Variants in STIL observed in about 807,000 individuals in gnomAD.
STIL encodes SCL-interrupting locus protein.
In STIL, 55 loss-of-function variants were observed where a neutral mutation model predicts 110.1. The observed-to-expected ratio is 0.50, with a 90% CI of 0.40 to 0.63. The LOEUF is 0.63. STIL is among the 20% of genes least tolerant of loss of function. STIL has a pLI of 0.00. For synonymous variants in STIL, 481 were observed against 530.0 expected, an observed-to-expected ratio of 0.91 and a Z score of 1.27; for missense variants, 1,358 against 1,530.0, an observed-to-expected ratio of 0.89 and a Z score of 1.87.
At chr1:47,302,999 T>C (rs1261594451) in intron 3 of STIL, among the ~76,000 whole-genome samples, 1 of 152,010 alleles carries the variant, frequency 6.6e-6, no homozygotes, top group Non-Finnish European at 1.5e-5. Flanking sequence ...CTGTATTGAA[T>C]ACAAAATATA....
At chr1:47,265,769 G>C (rs1459011394) in intron 14 of STIL, among the ~76,000 whole-genome samples, 1 of 121,364 alleles carries the variant, frequency 8.2e-6, no homozygotes, top group Non-Finnish European at 1.6e-5. Context: ...CTGGATGACA[G>C]AGCAAGACTG....
chr1:47,279,737 A>AC (rs1171402834), intron 12 of STIL, among the ~76,000 whole-genome samples: 2 of 151,608 alleles, frequency 1.3e-5, no homozygotes, highest in Non-Finnish European at 2.9e-5. Context: ...CAAAAAAAAA[A>AC]AAAAAAAACA....
chr1:47,301,744 T>C lies in STIL; in HGVS notation c.270A>G (p.Glu90=). Residue 90 remains glutamate, a synonymous_variant, in exon 5 of 17, where the codon GAA becomes GAG. Transcript: ENST00000371877. ...GATCTACTGTCAATGTTACACCTTC[T>C]TCATCTGTAGAACAAAAATAACAGC... ...LLGSLTADED[E]EGVTLTVDRF... 1 of 1,613,804 alleles carries C rather than the reference T, an allele frequency of 6.2e-7. No individual in the cohort carries two copies. Among genetic ancestry groups the C allele is most frequent in the Non-Finnish European group, 8.5e-7 (1 of 1,179,960 alleles).
At chr1:47,301,969 G>C (rs1420694292) in intron 4 of STIL, among the ~76,000 whole-genome samples, 1 of 152,172 alleles carries the variant, frequency 6.6e-6, no homozygotes, top group Non-Finnish European at 1.5e-5. Flanking sequence ...AGTGAACTCT[G>C]TAATTAATAG....
At chr1:47,259,285 CTTTTT>C (rs3043082) in intron 16 of STIL, among the ~76,000 whole-genome samples, 1 of 76,096 alleles carries the variant, frequency 1.3e-5, no homozygotes, top group African/African-American at 5.6e-5. Context: ...CGCGCCCGGC[CTTTTT>C]TTTTTTTTTT....
At chr1:47,312,484 C>G (rs2149296367) in intron 1 of STIL, among the ~76,000 whole-genome samples, 1 of 152,162 alleles carries the variant, frequency 6.6e-6, no homozygotes, top group East Asian at 1.9e-4. Flanking sequence ...AACAGTCCTT[C>G]TTAGAAATAT....
chr1:47,271,496 T>C (rs897714914), intron 13 of STIL, among the ~76,000 whole-genome samples: 1 of 149,032 alleles, frequency 6.7e-6, no homozygotes, highest in South Asian at 2.1e-4. Context: ...GAGGCGGAGG[T>C]TGCAGTGAGC....
Position 47,254,722 on chromosome 1 carries a change from A to G in STIL, c.3081-2800T>C, listed in dbSNP as rs569937520. Among the ~76,000 whole-genome samples the G allele has an allele frequency of 2.0e-5, 3 of 152,124 alleles. No individual in the cohort carries two copies. The East Asian group carries it at 5.8e-4, about 29-fold the overall frequency. On this transcript the variant is annotated intron_variant, in intron 16 of 16. Transcript: ENST00000371877. The stretch of plus-strand genomic sequence containing the variant: ...ATCAAAAATTTTTCTTTTTGTAAAG[A>G]TGGGGTCTCACTATGTTGTTCAGGC...
At chr1:47,302,102 G>A (rs1277816346) in intron 4 of STIL, 132 bp downstream of exon 4, 3 of 704,882 alleles carry the variant, frequency 4.3e-6, no homozygotes, top group East Asian at 2.7e-5. Flanking sequence ...ATGTTTTCTT[G>A]TACTGATGGA....
chr1:47,297,421 G>A (rs187952931), intron 6 of STIL, among the ~76,000 whole-genome samples: 318 of 151,844 alleles, frequency 2.1e-3, no homozygotes, highest in Non-Finnish European at 3.5e-3. Flanking sequence ...TACTTTCCCA[G>A]CACTGTATAT....
chr1:47,268,746 G>GAA (rs1644728782), intron 14 of STIL, among the ~76,000 whole-genome samples: 1 of 148,576 alleles, frequency 6.7e-6, no homozygotes, highest in Non-Finnish European at 1.5e-5. Context: ...CAACAAGAGA[G>GAA]AAACTCCATC....
At chr1:47,255,751 C>T (rs1644311430) in intron 16 of STIL, among the ~76,000 whole-genome samples, 1 of 152,126 alleles carries the variant, frequency 6.6e-6, no homozygotes, top group South Asian at 2.1e-4. Context: ...AGGTTGCTTC[C>T]AGACCTCGAA....
chr1:47,262,077 C>T (rs1644503063), intron 15 of STIL, among the ~76,000 whole-genome samples: 1 of 152,128 alleles, frequency 6.6e-6, no homozygotes, highest in African/African-American at 2.4e-5. Context: ...TTTCTTCTCA[C>T]TTTCTCAAAG....
intron 12 of STIL, among the ~76,000 whole-genome samples, chr1:47,280,000 G>C (rs776705401): frequency 1.9e-4 from 29 of 152,092 alleles, no homozygotes; most frequent in Non-Finnish European, 4.0e-4. Context: ...TCTATTGTAG[G>C]TTAGGATATG....
intron 11 of STIL, 74 bp from the exon 12 acceptor site, chr1:47,281,283 G>A (rs925694422): frequency 3.4e-5 from 47 of 1,395,708 alleles, no homozygotes; most frequent in Middle Eastern, 2.4e-4. Context: ...CCTCAGACCA[G>A]TATTTCCCAA....
intron 16 of STIL, among the ~76,000 whole-genome samples, chr1:47,257,550 TAATAA>T (rs751065971): frequency 9.9e-5 from 15 of 152,218 alleles, no homozygotes; most frequent in Non-Finnish European, 2.1e-4. Context: ...ATTGCATCAA[TAATAA>T]AATATAACTT....
chr1:47,290,674 G>A (rs1370351964), intron 8 of STIL, among the ~76,000 whole-genome samples: 1 of 149,858 alleles, frequency 6.7e-6, no homozygotes, highest in African/African-American at 2.5e-5. Context: ...CAGCACTCCA[G>A]CCCGGGCAAC....
Position 47,300,473 on chromosome 1 carries a change from T to TTC in STIL, c.454-322_454-321insGA, listed in dbSNP as rs10699797. ...ATGGGAAAAAATGGACATAAAATAA[T>TTC]TTTTTTTTTTTTGAGAAGGAGTCTC... On this transcript the variant is annotated intron_variant, in intron 5 of 16. Coordinates refer to ENST00000371877, the MANE Select transcript of STIL (RefSeq NM_001048166.1). 0.53 allele frequency among the ~76,000 whole-genome samples: 78,844 copies of TTC among 148,914 alleles called. 21,354 individuals are homozygous for TTC. Among genetic ancestry groups the TTC allele is most frequent in the African/African-American group, 0.67 (27,193 of 40,742 alleles).
intron 2 of STIL, among the ~76,000 whole-genome samples, chr1:47,305,851 C>T (rs1349747169): frequency 6.6e-6 from 1 of 150,592 alleles, no homozygotes; most frequent in Non-Finnish European, 1.5e-5. Flanking sequence ...CCCACCTCAG[C>T]CTCCCGAGTA....
Sources: gnomAD v4.1 joint callset for allele counts (sites outside exome capture counted in the v4.1 genomes callset) on GRCh38, gnomAD v4.1.1 for gene constraint, MANE v1.5 for transcripts, NCBI Gene and HGNC (gene_info 2026-07-23, HGNC 2026-07-21) for gene names.